TRAPPC9: variants seen among roughly 807,000 people sequenced by gnomAD.
The protein encoded by TRAPPC9 is trafficking protein particle complex subunit 9.
A neutral mutation model predicts 124.0 loss-of-function variants in TRAPPC9; 83 were observed. The ratio of observed to expected loss-of-function variants is 0.67; its 90% CI spans 0.56 to 0.80. The LOEUF (loss-of-function observed/expected upper bound fraction) is 0.80. TRAPPC9 is among the 30% of genes least tolerant of loss of function. TRAPPC9 has a pLI of 0.00. For missense variants in TRAPPC9, 1,302 were observed against 1,508.3 expected, an observed-to-expected ratio of 0.86 and a Z score of 2.27; for synonymous variants, 638 against 617.5, an observed-to-expected ratio of 1.03 and a Z score of -0.49.
intron 17 of TRAPPC9, among the ~76,000 whole-genome samples, chr8:140,090,986 G>T (rs1387343848): frequency 6.6e-6 from 1 of 152,212 alleles, no homozygotes; most frequent in Non-Finnish European, 1.5e-5. Context: ...ATTAAAAGTC[G>T]CAGTCCAAAA....
At chr8:139,852,742 T>G (rs1370160031) in intron 21 of TRAPPC9, among the ~76,000 whole-genome samples, 1 of 152,254 alleles carries the variant, frequency 6.6e-6, no homozygotes, top group Non-Finnish European at 1.5e-5. Flanking sequence ...TCTATGAGGT[T>G]ACACCAGCTA....
intron 18 of TRAPPC9, among the ~76,000 whole-genome samples, chr8:140,014,910 G>A (rs1351212376): frequency 6.6e-6 from 1 of 152,150 alleles, no homozygotes; most frequent in Non-Finnish European, 1.5e-5. Flanking sequence ...GAATAAATAG[G>A]ACTGCTCTTC....
intron 17 of TRAPPC9, among the ~76,000 whole-genome samples, chr8:140,071,660 T>C (rs774065266): frequency 2.6e-5 from 4 of 151,962 alleles, no homozygotes; most frequent in Admixed American, 6.6e-5. Context: ...CCCCACAGGG[T>C]CTCTGGGGGT....
intron 9 of TRAPPC9, among the ~76,000 whole-genome samples, chr8:140,320,575 G>C (rs2066565202): frequency 6.6e-6 from 1 of 152,178 alleles, no homozygotes; most frequent in African/African-American, 2.4e-5. Flanking sequence ...GCCCAGCCAA[G>C]TCAAATCCAG....
chr8:139,817,160 G>A (rs1025167273), intron 21 of TRAPPC9, among the ~76,000 whole-genome samples: 9 of 151,818 alleles, frequency 5.9e-5, no homozygotes, highest in Non-Finnish European at 1.3e-4. Context: ...TCAGCCCCAT[G>A]CCTTGCAGGG....
intron 19 of TRAPPC9, among the ~76,000 whole-genome samples, chr8:139,954,429 G>A (rs1309692342): frequency 6.6e-6 from 1 of 152,142 alleles, no homozygotes; most frequent in East Asian, 1.9e-4. Flanking sequence ...GTGATCATAA[G>A]GGTGGGCCCT....
At chr8:139,826,440 C>T (rs1825644625) in intron 21 of TRAPPC9, among the ~76,000 whole-genome samples, 1 of 152,142 alleles carries the variant, frequency 6.6e-6, no homozygotes, top group South Asian at 2.1e-4. Flanking sequence ...CCCTGGCCAG[C>T]TGGGGCTGTG....
At chr8:139,808,130 C>A (rs1383181542) in intron 21 of TRAPPC9, among the ~76,000 whole-genome samples, 1 of 152,182 alleles carries the variant, frequency 6.6e-6, no homozygotes, top group Non-Finnish European at 1.5e-5. Flanking sequence ...TTTTTTGAGA[C>A]ATACTTCATG....
rs143241604 is a variant in TRAPPC9, at chr8:140,288,398, G to C, written c.1855-664C>G. Among the ~76,000 whole-genome samples, 939 of 152,288 alleles carry C rather than the reference G, an allele frequency of 6.2e-3. 9 individuals are homozygous for C. Among genetic ancestry groups the C allele is most frequent in the African/African-American group, 0.021 (892 of 41,560 alleles). On this transcript the variant is annotated intron_variant, in intron 12 of 22. Coordinates refer to ENST00000438773, the MANE Select transcript of TRAPPC9 (RefSeq NM_001160372.4). ...GTTAATATCCCTGCCACACATCTGT[G>C]AGTTATCAACTTATTTCGGTATGTA...
chr8:140,248,462 C>T (rs184784750), intron 16 of TRAPPC9, among the ~76,000 whole-genome samples: 108 of 152,338 alleles, frequency 7.1e-4, no homozygotes, highest in South Asian at 4.1e-3. Flanking sequence ...TGTGTGTTTC[C>T]GGCTTCCTCT....
At chr8:140,264,924 C>T (rs923536616) in intron 15 of TRAPPC9, among the ~76,000 whole-genome samples, 11 of 152,130 alleles carry the variant, frequency 7.2e-5, no homozygotes, top group African/African-American at 2.7e-4. Context: ...TGGTAAGTAT[C>T]CAGACGAGAA....
intron 19 of TRAPPC9, among the ~76,000 whole-genome samples, chr8:139,929,941 C>T (rs971240824): frequency 7.2e-5 from 11 of 152,240 alleles, no homozygotes; most frequent in African/African-American, 2.7e-4. Context: ...GCAAGCACCA[C>T]CTTGTAGGTG....
At chr8:140,416,330 T>G (rs1272600138) in intron 5 of TRAPPC9, among the ~76,000 whole-genome samples, 1 of 152,038 alleles carries the variant, frequency 6.6e-6, no homozygotes, top group East Asian at 1.9e-4. Flanking sequence ...TAAACCCAAC[T>G]CAAGAAGATC....
intron 18 of TRAPPC9, among the ~76,000 whole-genome samples, chr8:139,994,401 G>T (rs1837839727): frequency 6.6e-6 from 1 of 152,234 alleles, no homozygotes; most frequent in Non-Finnish European, 1.5e-5. Context: ...TCCCCCAGAG[G>T]GGTCAGTTCT....
intron 7 of TRAPPC9, among the ~76,000 whole-genome samples, chr8:140,381,127 C>T (rs2068594077): frequency 6.6e-6 from 1 of 150,652 alleles, no homozygotes; most frequent in Admixed American, 6.6e-5. Context: ...ATTGCTTGAA[C>T]CCGGGAGGCG....
chr8:140,356,866 T>G (rs2132155112), intron 9 of TRAPPC9, among the ~76,000 whole-genome samples: 1 of 152,220 alleles, frequency 6.6e-6, no homozygotes, highest in Admixed American at 6.5e-5. Context: ...CGTCTCACCC[T>G]CCCAAAGTGC....
chr8:140,042,128 A>T (rs1485380663), intron 17 of TRAPPC9, among the ~76,000 whole-genome samples: 2 of 152,222 alleles, frequency 1.3e-5, no homozygotes, highest in African/African-American at 4.8e-5. Flanking sequence ...TTAGGAAAGT[A>T]TCCTTCTTAG....
In TRAPPC9 at chr8:140,397,713, C is replaced by T. The variant is rs368293322; in HGVS notation, c.1041G>A (p.Ala347=). 61 of 1,614,028 alleles carry T rather than the reference C, an allele frequency of 3.8e-5. No homozygotes were observed. The highest frequency in any genetic ancestry group is 8.8e-5 in the South Asian group (8 of 91,086). ...CAAGGACACGTACAGCCTTGATGCA[C>T]GCTTCCAACTCAATCACTCCCGCAT... is the stretch of plus-strand genomic sequence containing the variant. ...YKNAGVIELE[A]CIKAVRVLAI... is the part of the protein sequence containing the mutation. Residue 347 remains alanine, a synonymous_variant, in exon 7 of 23, where the codon GCG becomes GCA. Transcript: ENST00000438773.
intron 17 of TRAPPC9, among the ~76,000 whole-genome samples, chr8:140,219,223 A>G (rs1440401252): frequency 6.6e-6 from 1 of 152,218 alleles, no homozygotes; most frequent in African/African-American, 2.4e-5. Flanking sequence ...AAAAGCCTGC[A>G]GCACACTCGG....
Sources: allele counts gnomAD v4.1 joint callset (sites outside exome capture counted in the v4.1 genomes callset), GRCh38; gene constraint gnomAD v4.1.1; transcripts MANE v1.5; gene names NCBI Gene and HGNC (gene_info 2026-07-23, HGNC 2026-07-21).